The following CFAP95 variants were observed in gnomAD, a reference collection of about 807,000 sequenced individuals.
The protein encoded by CFAP95 is cilia and flagella associated protein 95, also known as cilia- and flagella-associated protein 95.
At chr9:69,872,006 A>G in the CFAP95 span, among the ~76,000 whole-genome samples, 1 of 152,170 alleles carries the variant, frequency 6.6e-6, no homozygotes, top group Non-Finnish European at 1.5e-5. Context: ...ATTTTATTTA[A>G]TGCTCATTCT....
the CFAP95 span, among the ~76,000 whole-genome samples, chr9:69,895,246 A>G: frequency 2.0e-5 from 3 of 152,152 alleles, no homozygotes; most frequent in Non-Finnish European, 4.4e-5. Flanking sequence ...CTGGAAAAAA[A>G]GGAATTCAGT....
the CFAP95 span, among the ~76,000 whole-genome samples, chr9:69,845,282 C>T: frequency 6.6e-6 from 1 of 152,154 alleles, no homozygotes; most frequent in Non-Finnish European, 1.5e-5. Flanking sequence ...AAGGCAAGAG[C>T]TCAACAACTA....
chr9:69,833,822 G>A, the CFAP95 span, among the ~76,000 whole-genome samples: 7 of 152,238 alleles, frequency 4.6e-5, no homozygotes, highest in Middle Eastern at 3.4e-3. Context: ...GTGTAGTTAC[G>A]TTCATTATGG....
At chr9:69,863,868 CT>C in the CFAP95 span, among the ~76,000 whole-genome samples, 36 of 151,984 alleles carry the variant, frequency 2.4e-4, no homozygotes, top group Non-Finnish European at 5.0e-4. Flanking sequence ...CTTGACTTCA[CT>C]TTTTTTTCTC....
chr9:69,851,855 G>A, the CFAP95 span, among the ~76,000 whole-genome samples: 2 of 142,350 alleles, frequency 1.4e-5, no homozygotes, highest in Admixed American at 1.4e-4. Flanking sequence ...GTAACAGTGA[G>A]ACCCTATTTC....
the CFAP95 span, among the ~76,000 whole-genome samples, chr9:69,846,284 A>G: frequency 6.6e-6 from 1 of 152,018 alleles, no homozygotes; most frequent in African/African-American, 2.4e-5. Flanking sequence ...TCCCTCCCCA[A>G]TATTATATGC....
the CFAP95 span, among the ~76,000 whole-genome samples, chr9:69,849,273 A>G: frequency 2.0e-5 from 3 of 152,074 alleles, no homozygotes; most frequent in Non-Finnish European, 2.9e-5. Flanking sequence ...TGGATGCTCA[A>G]TAAGTATTTG....
At chr9:69,881,080 G>A in the CFAP95 span, among the ~76,000 whole-genome samples, 3 of 152,064 alleles carry the variant, frequency 2.0e-5, no homozygotes, top group Admixed American at 6.6e-5. Context: ...TGTCAGATGG[G>A]TAGTTTGTAA....
At chr9:69,870,601 G>C in the CFAP95 span, among the ~76,000 whole-genome samples, 1 of 152,208 alleles carries the variant, frequency 6.6e-6, no homozygotes, top group Admixed American at 6.5e-5. Context: ...AAGAGGTAAA[G>C]GGAAGCCCTC....
the CFAP95 span, among the ~76,000 whole-genome samples, chr9:69,871,942 C>A: frequency 6.6e-6 from 1 of 152,168 alleles, no homozygotes; most frequent in African/African-American, 2.4e-5. Context: ...TCTCTTCTAC[C>A]TTAATGAGCA....
At chr9:69,891,808 A>G in the CFAP95 span, among the ~76,000 whole-genome samples, 3 of 152,172 alleles carry the variant, frequency 2.0e-5, no homozygotes, top group Non-Finnish European at 4.4e-5. Flanking sequence ...GCCATGTGAT[A>G]TGACCACGTT....
the CFAP95 span, among the ~76,000 whole-genome samples, chr9:69,904,560 G>T: frequency 2.0e-5 from 3 of 152,020 alleles, no homozygotes; most frequent in Non-Finnish European, 2.9e-5. Flanking sequence ...ATTTCATCTT[G>T]TCACTCACCT....
chr9:69,872,772 C>A, the CFAP95 span, among the ~76,000 whole-genome samples: 1 of 152,044 alleles, frequency 6.6e-6, no homozygotes, highest in African/African-American at 2.4e-5. Flanking sequence ...ATCAATTGAG[C>A]CTAGAAGTTC....
the CFAP95 span, among the ~76,000 whole-genome samples, chr9:69,878,234 A>T: frequency 6.6e-6 from 1 of 152,104 alleles, no homozygotes; most frequent in African/African-American, 2.4e-5. Context: ...TTCTAGTTGT[A>T]CTGCTCCTTC....
the CFAP95 span, among the ~76,000 whole-genome samples, chr9:69,837,325 G>C: frequency 2.6e-5 from 4 of 151,966 alleles, no homozygotes; most frequent in African/African-American, 4.8e-5. Flanking sequence ...CACAATGGTT[G>C]AACTAGTTTA....
chr9:69,901,338 C>A, the CFAP95 span, among the ~76,000 whole-genome samples: 1 of 152,128 alleles, frequency 6.6e-6, no homozygotes, highest in South Asian at 2.1e-4. Context: ...GGGGTTTCAC[C>A]GTGTTAGCTA....
the CFAP95 span, among the ~76,000 whole-genome samples, chr9:69,861,387 C>A: frequency 5.9e-5 from 9 of 152,176 alleles, no homozygotes; most frequent in South Asian, 1.9e-3. Flanking sequence ...TGGGCTGATG[C>A]CTGTGTTCTT....
the CFAP95 span, among the ~76,000 whole-genome samples, chr9:69,867,418 T>C: frequency 1.3e-5 from 2 of 152,160 alleles, no homozygotes; most frequent in Admixed American, 6.5e-5. Flanking sequence ...GAAAGTCAGG[T>C]TTCTCTGTAG....
At chr9:69,848,224 G>A in the CFAP95 span, among the ~76,000 whole-genome samples, 6 of 152,250 alleles carry the variant, frequency 3.9e-5, no homozygotes, top group South Asian at 2.1e-4. Context: ...GTGAATCCTC[G>A]GTCCCAGATG....
Sources: allele counts gnomAD v4.1 joint callset (sites outside exome capture counted in the v4.1 genomes callset), GRCh38; gene constraint gnomAD v4.1.1; transcripts MANE v1.5; gene names NCBI Gene and HGNC (gene_info 2026-07-23, HGNC 2026-07-21).